The following CRB1 variants were observed in gnomAD, a reference collection of about 807,000 sequenced individuals.
The protein encoded by CRB1 is protein crumbs homolog 1.
In CRB1, 83 loss-of-function variants were observed where a neutral mutation model predicts 120.0. That is an observed-to-expected ratio of 0.69 (90% confidence interval 0.58 to 0.83). CRB1 has a LOEUF of 0.83. Ranked by LOEUF, CRB1 falls within the 40% of genes least tolerant of loss-of-function variation. The pLI, the probability that CRB1 is intolerant of heterozygous loss-of-function variation, is 0.00. For missense variants in CRB1, 1,699 were observed against 1,687.6 expected (o/e 1.01, Z -0.12); for synonymous variants, 625 against 612.5 (o/e 1.02, Z -0.30).
chr1:197,299,222 C>G (rs1212567084), intron 1 of CRB1, among the ~76,000 whole-genome samples: 2 of 151,960 alleles, frequency 1.3e-5, no homozygotes, highest in Non-Finnish European at 2.9e-5. Flanking sequence ...GAAGAGGAAG[C>G]ACGAATGGTC....
intron 2 of CRB1, among the ~76,000 whole-genome samples, chr1:197,342,877 A>T (rs1318846320): frequency 6.6e-6 from 1 of 152,142 alleles, no homozygotes; most frequent in Non-Finnish European, 1.5e-5. Context: ...CTGTCAAAAA[A>T]ATTTATGTTC....
At chr1:197,368,376 G>T (rs904905282) in intron 5 of CRB1, among the ~76,000 whole-genome samples, 10 of 152,096 alleles carry the variant, frequency 6.6e-5, no homozygotes, top group Admixed American at 5.2e-4. Context: ...ATTTACCTTT[G>T]CCTTTACCAT....
chr1:197,474,534 T>C (rs1667118369), intron 11 of CRB1, among the ~76,000 whole-genome samples: 2 of 152,214 alleles, frequency 1.3e-5, no homozygotes, highest in South Asian at 4.1e-4. Context: ...TGGTTCAACC[T>C]GAATTGAGGT....
chr1:197,312,701 T>C (rs1234365510), intron 1 of CRB1, among the ~76,000 whole-genome samples: 1 of 152,246 alleles, frequency 6.6e-6, no homozygotes. Context: ...GAGAGCACTT[T>C]TATATTGTGT....
At chr1:197,380,902 T>A (rs1409588088) in intron 5 of CRB1, among the ~76,000 whole-genome samples, 1 of 152,206 alleles carries the variant, frequency 6.6e-6, no homozygotes, top group East Asian at 1.9e-4. Context: ...GTCTGGCGCA[T>A]CTCTCGTTGT....
At chr1:197,284,667 A>G (rs1655721065) in intron 1 of CRB1, among the ~76,000 whole-genome samples, 1 of 151,896 alleles carries the variant, frequency 6.6e-6, no homozygotes, top group African/African-American at 2.4e-5. Context: ...GAGGAGGCCA[A>G]AGAAACAGCT....
chr1:197,372,722 A>AC (rs1661433780), intron 5 of CRB1, among the ~76,000 whole-genome samples: 1 of 151,638 alleles, frequency 6.6e-6, no homozygotes, highest in East Asian at 1.9e-4. Flanking sequence ...TAAAAAAAAA[A>AC]AACAAATAAA....
intron 5 of CRB1, among the ~76,000 whole-genome samples, chr1:197,399,763 A>G (rs1350158700): frequency 6.6e-6 from 1 of 151,946 alleles, no homozygotes; most frequent in Non-Finnish European, 1.5e-5. Context: ...GTCCACTTCA[A>G]AGTTCATGTG....
At chr1:197,260,639 C>T in the CRB1 span, among the ~76,000 whole-genome samples, 3 of 151,024 alleles carry the variant, frequency 2.0e-5, no homozygotes, top group Non-Finnish European at 4.4e-5. Flanking sequence ...ACATTTTCAA[C>T]ATTTATAGCA....
chr1:197,326,740 A>C (rs938256498), intron 1 of CRB1, among the ~76,000 whole-genome samples: 1 of 152,084 alleles, frequency 6.6e-6, no homozygotes, highest in Non-Finnish European at 1.5e-5. Context: ...ATTCAATTTC[A>C]TAATTATTTT....
intron 1 of CRB1, among the ~76,000 whole-genome samples, chr1:197,317,924 T>C (rs971181895): frequency 3.3e-5 from 5 of 151,668 alleles, no homozygotes; most frequent in Admixed American, 2.0e-4. Flanking sequence ...CTCTGTGACA[T>C]TGGCCTAGGT....
intron 1 of CRB1, among the ~76,000 whole-genome samples, chr1:197,319,846 C>T (rs185077901): frequency 1.1e-3 from 171 of 152,048 alleles, no homozygotes; most frequent in African/African-American, 3.9e-3. Flanking sequence ...GATTTTTAGC[C>T]GCAAGTGGTT....
chr1:197,324,975 G>A lies in CRB1; in HGVS notation c.71-3447G>A, dbSNP rs114084708. Among the ~76,000 whole-genome samples the A allele has an allele frequency of 6.0e-3, 913 of 152,282 alleles. 10 individuals are homozygous for A. Among genetic ancestry groups the A allele is most frequent in the African/African-American group, 0.018 (759 of 41,554 alleles). ...CTACTTCTTATTTTAACTGCTCCAT[G>A]TGGATTCTATCACGCAGTACATCAA... On this transcript the variant is annotated intron_variant, in intron 1 of 11. Transcript: ENST00000367400.
the CRB1 span, among the ~76,000 whole-genome samples, chr1:197,201,852 T>G: frequency 6.6e-6 from 1 of 152,014 alleles, no homozygotes; most frequent in African/African-American, 2.4e-5. Flanking sequence ...AGAAAAAAAA[T>G]TTTATACCTA....
the CRB1 span, among the ~76,000 whole-genome samples, chr1:197,257,405 G>A: frequency 6.6e-6 from 1 of 152,072 alleles, no homozygotes; most frequent in Non-Finnish European, 1.5e-5. Context: ...AGCTATCTGG[G>A]CATCTCTTAG....
chr1:197,251,831 T>C, the CRB1 span, among the ~76,000 whole-genome samples: 2 of 151,988 alleles, frequency 1.3e-5, no homozygotes, highest in African/African-American at 2.4e-5. Context: ...CACTTGGTAA[T>C]GTGGTGTTAA....
At chr1:197,390,039 T>A (rs1459120966) in intron 5 of CRB1, among the ~76,000 whole-genome samples, 1 of 151,666 alleles carries the variant, frequency 6.6e-6, no homozygotes, top group Non-Finnish European at 1.5e-5. Flanking sequence ...TATTAAAGGA[T>A]TGGGGAGGAG....
chr1:197,381,279 G>A (rs1661942507), intron 5 of CRB1, among the ~76,000 whole-genome samples: 1 of 152,048 alleles, frequency 6.6e-6, no homozygotes, highest in Non-Finnish European at 1.5e-5. Context: ...TGATTTAAAG[G>A]AATATATATA....
rs1401712886 is a variant in CRB1 at position 197,421,482 on chromosome 1, T to C, written c.1654T>C (p.Ser552Pro). The change falls in exon 6 of 12, where the codon TCA becomes CCA. Residue 552 changes from serine to proline, a missense_variant. By Grantham distance (74) the Ser-to-Pro change is moderately conservative. Transcript: ENST00000367400. ...IHLSIQVNNQ[S>P]KVLLFISHNT... Reference sequence around the variant, plus strand: ...CTTATCAATTCAGGTCAATAATCAGTCAAAGGTGCTTCTGTTCATTTCCCA... The same window carrying C: ...CTTATCAATTCAGGTCAATAATCAGCCAAAGGTGCTTCTGTTCATTTCCCA... The C allele has an allele frequency of 1.2e-6, 2 of 1,614,190 alleles. No individual in the cohort carries two copies. The highest frequency in any genetic ancestry group is 1.7e-6 in the Non-Finnish European group (2 of 1,180,020).
Sources: allele counts gnomAD v4.1 joint callset (sites outside exome capture counted in the v4.1 genomes callset), GRCh38; gene constraint gnomAD v4.1.1; transcripts MANE v1.5; gene names NCBI Gene and HGNC (gene_info 2026-07-23, HGNC 2026-07-21).